ACTR3: variants seen among roughly 807,000 people sequenced by gnomAD.
ACTR3 encodes the protein actin related protein 3, also known as actin-related protein 3.
In ACTR3, 12 loss-of-function variants were observed where a neutral mutation model predicts 56.8. The observed-to-expected ratio is 0.21, with a 90% CI of 0.14 to 0.34. The LOEUF (loss-of-function observed/expected upper bound fraction) is 0.34, where lower values mean the gene tolerates loss of function less well. ACTR3 is among the 10% of genes least tolerant of loss of function. ACTR3 has a pLI of 1.00. For missense variants in ACTR3, 282 were observed against 512.5 expected (o/e 0.55, Z 4.34); for synonymous variants, 162 against 167.4 (o/e 0.97, Z 0.25).
chr2:113,940,407 AT>A (rs148778920), intron 7 of ACTR3, among the ~76,000 whole-genome samples: 6,910 of 152,202 alleles, frequency 0.045, 507 homozygotes, highest in African/African-American at 0.16. Context: ...TTATTTCACT[AT>A]AAAGTCCTTG....
intron 1 of ACTR3, among the ~76,000 whole-genome samples, chr2:113,903,117 G>C (rs573077146): frequency 3.1e-4 from 47 of 152,298 alleles, no homozygotes; most frequent in African/African-American, 1.1e-3. Context: ...CTGGAAACTT[G>C]TATACATTGA....
chr2:113,935,839 G>A (rs1679814806), intron 6 of ACTR3, among the ~76,000 whole-genome samples: 1 of 152,050 alleles, frequency 6.6e-6, no homozygotes, highest in Non-Finnish European at 1.5e-5. Context: ...CAAATAATAG[G>A]TAGTGAGGCT....
chr2:113,922,910 A>T (rs1422094335), intron 3 of ACTR3, among the ~76,000 whole-genome samples: 2 of 152,186 alleles, frequency 1.3e-5, no homozygotes, highest in Non-Finnish European at 2.9e-5. Context: ...TTGTGATCAG[A>T]GAAGGGTATA....
chr2:113,941,392 TC>T, intron 7 of ACTR3, among the ~76,000 whole-genome samples: 1 of 152,318 alleles, frequency 6.6e-6, no homozygotes, highest in South Asian at 2.1e-4. Flanking sequence ...TCTTTGTCAT[TC>T]TCACTTCCAA....
In ACTR3 at chr2:113,961,729, T is replaced by A. The variant is rs951335289; in HGVS notation, c.*4274T>A. 1 of 151,932 alleles carries A rather than the reference T, an allele frequency of 6.6e-6. No individual in the cohort carries two copies. The highest frequency in any genetic ancestry group is 1.5e-5 in the Non-Finnish European group (1 of 67,862). 9.4% of individuals were successfully genotyped at this position (151,932 alleles called of 1,614,324 possible). A position where few individuals can be genotyped will look rare whatever the true frequency, so the allele number is the denominator to read the frequency against. ...GCTTAGTCTAATAGTAAAGGCACTC[T>A]TAGAGGAGGGACAAATATTTTGCCT... On this transcript the variant is annotated 3_prime_UTR_variant, in exon 12 of 12. Coordinates refer to ENST00000263238, the MANE Select transcript of ACTR3 (RefSeq NM_005721.5).
At chr2:113,923,883 C>T (rs1260556161) in intron 3 of ACTR3, among the ~76,000 whole-genome samples, 1 of 152,046 alleles carries the variant, frequency 6.6e-6, no homozygotes, top group Non-Finnish European at 1.5e-5. Context: ...CTTCACCTAC[C>T]TATTTCCTGG....
At chr2:113,940,600 G>A (rs1477677537) in intron 7 of ACTR3, among the ~76,000 whole-genome samples, 1 of 151,980 alleles carries the variant, frequency 6.6e-6, no homozygotes, top group African/African-American at 2.4e-5. Flanking sequence ...TTTCTGCCAT[G>A]TAAGTATTAT....
chr2:113,949,603 C>T (rs1197086450), intron 8 of ACTR3, among the ~76,000 whole-genome samples: 1 of 151,908 alleles, frequency 6.6e-6, no homozygotes, highest in Non-Finnish European at 1.5e-5. Flanking sequence ...TCTCTGTCAC[C>T]CAGGCTGGAG....
intron 1 of ACTR3, 77 bp from the exon 2 acceptor site, chr2:113,913,095 A>G (rs1393439261): frequency 1.0e-6 from 1 of 1,000,454 alleles, no homozygotes; most frequent in Non-Finnish European, 1.5e-6. Context: ...TCACTTCATA[A>G]CAAATGAAAT....
In ACTR3 at chr2:113,936,235, G is replaced by A. The variant is rs1679822660; in HGVS notation, c.540+1849G>A. 2.0e-5 allele frequency among the ~76,000 whole-genome samples: 3 copies of A among 147,044 alleles called. No homozygotes were observed. In the Admixed American group the frequency reaches 2.1e-4, roughly 10 times the overall value. On this transcript the variant is annotated intron_variant, in intron 6 of 11. Transcript: ENST00000263238. ...TGACCCTGGAGAGGTTGAGGCTGCA[G>A]TGAGCCATGATCTCACCACTGCACT...
chr2:113,943,652 A>G (rs555294793), intron 8 of ACTR3, among the ~76,000 whole-genome samples: 2 of 152,308 alleles, frequency 1.3e-5, no homozygotes, highest in East Asian at 1.9e-4. Flanking sequence ...CAACATAATC[A>G]GTAATTGCTT....
chr2:113,914,012 G>A (rs1440989061), intron 2 of ACTR3, among the ~76,000 whole-genome samples: 5 of 152,246 alleles, frequency 3.3e-5, no homozygotes, highest in South Asian at 2.1e-4. Context: ...CTTTTGAGCC[G>A]TTGCTTAGTG....
chr2:113,952,499 T>C (rs1680139007), intron 10 of ACTR3: 1 of 152,096 alleles, frequency 6.6e-6, no homozygotes, highest in Admixed American at 6.5e-5. Context: ...TGAAAAAAGG[T>C]ATTTCATGTG....
intron 8 of ACTR3, among the ~76,000 whole-genome samples, chr2:113,949,900 A>T (rs1473049400): frequency 6.6e-6 from 1 of 152,118 alleles, no homozygotes; most frequent in Non-Finnish European, 1.5e-5. Flanking sequence ...TTAGTTTTTT[A>T]AAAAGTATGT....
At chr2:113,896,206 G>T (rs1330702908) in intron 1 of ACTR3, among the ~76,000 whole-genome samples, 1 of 152,048 alleles carries the variant, frequency 6.6e-6, no homozygotes, top group Non-Finnish European at 1.5e-5. Context: ...AAATGGTTCA[G>T]CACAGTGCCT....
chr2:113,944,528 C>A (rs2104622020), intron 8 of ACTR3, among the ~76,000 whole-genome samples: 1 of 138,374 alleles, frequency 7.2e-6, no homozygotes, highest in Admixed American at 8.1e-5. Flanking sequence ...GCGGGCAGAT[C>A]ACGAGGTCAG....
In ACTR3 at chr2:113,962,354, T is replaced by G. The variant is rs1403791718; in HGVS notation, c.*4899T>G. 1 of 151,978 alleles carries G rather than the reference T, an allele frequency of 6.6e-6. No individual in the cohort carries two copies. Among genetic ancestry groups the G allele is most frequent in the Non-Finnish European group, 1.5e-5 (1 of 67,900 alleles). The allele number at this position is 151,978 out of a possible 1,614,324, so 9.4% of individuals were successfully genotyped here. Reference sequence around the variant, plus strand: ...AATTGACATGTCCTGAAATGTAACATTCAACATTAACAGTAGAAACAGGCC... The same window carrying G: ...AATTGACATGTCCTGAAATGTAACAGTCAACATTAACAGTAGAAACAGGCC... On this transcript the variant is annotated 3_prime_UTR_variant, in exon 12 of 12. Coordinates refer to ENST00000263238, the MANE Select transcript of ACTR3 (RefSeq NM_005721.5).
rs539560903 is a variant in ACTR3, at chr2:113,913,122, A to T, written c.45-50A>T. 49 of 1,245,606 alleles carry T rather than the reference A, an allele frequency of 3.9e-5. 1 individual carries two copies. In the South Asian group the frequency reaches 5.0e-4, roughly 13 times the overall value. The allele number at this position is 1,245,606 out of a possible 1,614,324, so 77.2% of individuals were successfully genotyped here. On this transcript the variant is annotated intron_variant, in intron 1 of 11. Transcript: ENST00000263238. ...AAATGAAATTCTAAGAAAGAAATGT[A>T]TAATTGCTAAAATATTAGTGAAATC...
At position 113,932,319 on chromosome 2, in the gene ACTR3, C is replaced by T. The variant is rs184767905; in HGVS notation, c.432+923C>T. On this transcript the variant is annotated intron_variant, in intron 5 of 11. Transcript: ENST00000263238. ...GAAGAATTCAGTCTTGAGTGGGAGG[C>T]CCTTTTTTAGTTCTTAGAATATGAA... Among the ~76,000 whole-genome samples, 35 of 152,212 alleles carry T rather than the reference C, an allele frequency of 2.3e-4. No homozygotes were observed. In the East Asian group the frequency reaches 5.8e-3, roughly 25 times the overall value.
Sources: gnomAD v4.1 joint callset for allele counts (sites outside exome capture counted in the v4.1 genomes callset) on GRCh38, gnomAD v4.1.1 for gene constraint, MANE v1.5 for transcripts, NCBI Gene and HGNC (gene_info 2026-07-23, HGNC 2026-07-21) for gene names.